The following USP32 variants were observed in gnomAD, a reference collection of about 807,000 sequenced individuals.
USP32 encodes ubiquitin specific peptidase 32.
A neutral mutation model predicts 204.8 loss-of-function variants in USP32; 59 were observed. The observed-to-expected ratio is 0.29, with a 90% confidence interval of 0.23 to 0.36. The LOEUF is 0.36. Among genes scored for constraint, USP32 ranks in the 10% least tolerant of loss-of-function variants. The pLI is 1.00. For synonymous variants in USP32, 517 were observed against 678.4 expected (o/e 0.76, Z 3.70); for missense variants, 1,160 against 1,946.4 (o/e 0.60, Z 7.60).
chr17:60,185,410 T>A, intron 30 of USP32, 50 bp downstream of exon 30: 1 of 1,495,576 alleles, frequency 6.7e-7, no homozygotes, highest in Non-Finnish European at 9.0e-7. Context: ...TCATGTCTTC[T>A]TTCTTTTATG....
At chr17:60,213,516 T>G in intron 18 of USP32, 65 bp downstream of exon 18, 2 of 698,350 alleles carry the variant, frequency 2.9e-6, no homozygotes, top group Non-Finnish European at 4.7e-6. Context: ...TAAAATGGGT[T>G]ATTAGTAACT....
chr17:60,178,013 T>C lies in USP32; in HGVS notation c.*1242A>G, dbSNP rs1053921186. Among the ~76,000 whole-genome samples, 6 of 152,046 alleles carry C rather than the reference T, an allele frequency of 3.9e-5. No individual in the cohort carries two copies. The highest frequency in any genetic ancestry group is 1.4e-4 in the African/African-American group (6 of 41,404). On this transcript the variant is annotated 3_prime_UTR_variant, in exon 34 of 34. Coordinates refer to ENST00000300896, the MANE Select transcript of USP32 (RefSeq NM_032582.4). ...AATAATATTTATACTTTTGTTCCAG[T>C]CTTGATTAGAGAAAAAAATGAAGTA... is the stretch of plus-strand genomic sequence containing the variant.
At chr17:60,221,230 A>T (rs1335268060) in intron 15 of USP32, among the ~76,000 whole-genome samples, 2 of 152,070 alleles carry the variant, frequency 1.3e-5, no homozygotes, top group Non-Finnish European at 2.9e-5. Context: ...TCTGTCTCTT[A>T]AAAAAATTTA....
At chr17:60,245,901 A>G (rs1282317165) in intron 11 of USP32, among the ~76,000 whole-genome samples, 1 of 151,072 alleles carries the variant, frequency 6.6e-6, no homozygotes, top group Non-Finnish European at 1.5e-5. Context: ...TTAAAAAATT[A>G]TATATAATAA....
At chr17:60,422,262 C>T in exon 1 of USP32, 1 of 370,302 alleles carries the variant, frequency 2.7e-6, no homozygotes, top group Non-Finnish European at 4.9e-6. Flanking sequence ...GTGTCAGGAT[C>T]AGCATCTGAC....
At chr17:60,193,354 A>C (rs1238160926) in intron 27 of USP32, among the ~76,000 whole-genome samples, 1 of 152,226 alleles carries the variant, frequency 6.6e-6, no homozygotes, top group Non-Finnish European at 1.5e-5. Flanking sequence ...AGTCTTCTTT[A>C]ATCAGAATCG....
At chr17:60,316,967 T>C (rs184945581) in intron 2 of USP32, among the ~76,000 whole-genome samples, 9 of 152,194 alleles carry the variant, frequency 5.9e-5, no homozygotes, top group African/African-American at 2.2e-4. Flanking sequence ...GATTCCACTA[T>C]ATGAAATATT....
At chr17:60,350,012 TTTG>T (rs1453293034) in intron 1 of USP32, among the ~76,000 whole-genome samples, 1 of 151,184 alleles carries the variant, frequency 6.6e-6, no homozygotes, top group Non-Finnish European at 1.5e-5. Flanking sequence ...GTTGTTGGTT[TTTG>T]TTTTTTTTTT....
At chr17:60,402,133 T>C (rs966571690) in intron 1 of USP32, among the ~76,000 whole-genome samples, 5 of 152,196 alleles carry the variant, frequency 3.3e-5, no homozygotes, top group Non-Finnish European at 7.3e-5. Context: ...CAATTTTGCA[T>C]TGTACAAGCA....
rs35229069 is a variant in USP32, at chr17:60,184,314, C to CAA, written c.3835-863_3835-862dup. On this transcript the variant is annotated intron_variant, in intron 30 of 33. Coordinates refer to ENST00000300896, the MANE Select transcript of USP32 (RefSeq NM_032582.4). Reference sequence around the variant, plus strand: ...TGGGCGACAGAGTGAGACTCCGTCTCAAAAAAAAAAAAAAAAAGTCTCCCC... The same window carrying CAA: ...TGGGCGACAGAGTGAGACTCCGTCTCAAAAAAAAAAAAAAAAAAAGTCTCCCC... Among the ~76,000 whole-genome samples the CAA allele has an allele frequency of 2.3e-4, 21 of 89,580 alleles. 1 individual carries two copies. The highest frequency in any genetic ancestry group is 6.4e-4 in the African/African-American group (19 of 29,862). The allele number at this position is 89,580 out of a possible 152,430, so 58.8% of individuals were successfully genotyped here.
intron 1 of USP32, among the ~76,000 whole-genome samples, chr17:60,398,418 A>G (rs548056121): frequency 7.2e-5 from 11 of 152,002 alleles, no homozygotes; most frequent in Admixed American, 7.2e-4. Flanking sequence ...AGAAAAAAAA[A>G]GGTGTTTTGG....
chr17:60,411,013 CA>C lies in USP32; in HGVS notation c.106+11232del, dbSNP rs35556712. On this transcript the variant is annotated intron_variant, in intron 1 of 3. Transcript: ENST00000588898. ...CAACATAATGAGACCTTCACCTCTA[CA>C]AAAAAAAAAAAGTTTTTAAAGTTAG... Among the ~76,000 whole-genome samples, 879 of 129,092 alleles carry C rather than the reference CA, an allele frequency of 6.8e-3. 13 individuals are homozygous for C. Among genetic ancestry groups the C allele is most frequent in the Admixed American group, 0.038 (482 of 12,672 alleles). 84.7% of individuals were successfully genotyped at this position (129,092 alleles called of 152,430 possible).
rs201213363 is a variant in USP32, at chr17:60,198,289, A to C, written c.3405T>G (p.Pro1135=). 1.9e-6 allele frequency: 3 copies of C among 1,614,000 alleles called. No homozygotes were observed. The African/African-American group carries it at 4.0e-5, about 22-fold the overall frequency. Residue 1135 remains proline (P), a synonymous_variant, in exon 27 of 34, where the codon CCT becomes CCG. Transcript: ENST00000300896. Reference sequence around the variant, plus strand: ...CCTGGGCATGATTACTAGCTTCCTGAGGTGGGAGTGGGCTCGCTAACCGGG... The same window carrying C: ...CCTGGGCATGATTACTAGCTTCCTGCGGTGGGAGTGGGCTCGCTAACCGGG... ...QVSRLASPLP[P]QEASNHAQDC...
chr17:60,323,516 G>A (rs56191608), intron 2 of USP32, among the ~76,000 whole-genome samples: 6,762 of 152,212 alleles, frequency 0.044, 539 homozygotes, highest in African/African-American at 0.15. Flanking sequence ...TTCTTTTTGG[G>A]GAGATGAAAC....
upstream of USP32, among the ~76,000 whole-genome samples, chr17:60,394,719 ATACTG>A: frequency 6.6e-6 from 1 of 152,070 alleles, no homozygotes; most frequent in East Asian, 1.9e-4. Context: ...ACTGTACTGA[ATACTG>A]TAGGTAATTT....
intron 1 of USP32, among the ~76,000 whole-genome samples, chr17:60,385,308 CT>C (rs2146125414): frequency 6.6e-6 from 1 of 152,320 alleles, no homozygotes; most frequent in East Asian, 1.9e-4. Context: ...CGCTGACTTT[CT>C]TTTTGGACTC....
chr17:60,309,752 G>A (rs1039746622), intron 2 of USP32, among the ~76,000 whole-genome samples: 1 of 151,924 alleles, frequency 6.6e-6, no homozygotes, highest in Non-Finnish European at 1.5e-5. Context: ...CCATTATATC[G>A]AAAAGCAGGC....
At chr17:60,306,436 G>T (rs1045853726) in intron 2 of USP32, among the ~76,000 whole-genome samples, 1 of 152,118 alleles carries the variant, frequency 6.6e-6, no homozygotes, top group South Asian at 2.1e-4. Flanking sequence ...TCAGGAGTTC[G>T]AGAGCTGCCT....
chr17:60,209,218 A>C (rs1348936298), intron 22 of USP32, 152 bp downstream of exon 22: 2 of 1,031,216 alleles, frequency 1.9e-6, no homozygotes, highest in African/African-American at 3.4e-5. Context: ...GCATTATTGC[A>C]TAAGAATTAA....
Sources: allele counts gnomAD v4.1 joint callset (sites outside exome capture counted in the v4.1 genomes callset), GRCh38; gene constraint gnomAD v4.1.1; transcripts MANE v1.5; gene names NCBI Gene and HGNC (gene_info 2026-07-23, HGNC 2026-07-21).